Variants in PTPRD observed in about 807,000 individuals in gnomAD.
The protein encoded by PTPRD is protein tyrosine phosphatase receptor type D.
PTPRD carries 34 observed loss-of-function variants against 214.5 expected under a neutral mutation model. The observed-to-expected ratio is 0.16, with a 90% CI of 0.12 to 0.21. The LOEUF (loss-of-function observed/expected upper bound fraction) is 0.21. PTPRD is among the 10% of genes least tolerant of loss of function. The pLI is 1.00. For missense variants in PTPRD, 2,545 were observed against 2,398.7 expected (o/e 1.06, Z -1.27); for synonymous variants, 1,128 against 845.7 (o/e 1.33, Z -5.79).
At chr9:10,603,771 T>A (rs915578134) in intron 2 of PTPRD, among the ~76,000 whole-genome samples, 2 of 151,750 alleles carry the variant, frequency 1.3e-5, no homozygotes, top group African/African-American at 4.8e-5. Context: ...ATATAAGAGA[T>A]AAAATTCAAG....
intron 11 of PTPRD, among the ~76,000 whole-genome samples, chr9:8,804,173 G>C (rs903882214): frequency 1.3e-5 from 2 of 151,958 alleles, no homozygotes; most frequent in African/African-American, 2.4e-5. Context: ...GTCTGGTCTC[G>C]AACTCCTGAC....
chr9:9,433,670 AG>A (rs1401552747), intron 8 of PTPRD, among the ~76,000 whole-genome samples: 1 of 152,198 alleles, frequency 6.6e-6, no homozygotes, highest in African/African-American at 2.4e-5. Flanking sequence ...TTCACAAAAT[AG>A]ATTTTACACA....
chr9:8,782,669 C>T (rs545462076), intron 11 of PTPRD, among the ~76,000 whole-genome samples: 2 of 149,746 alleles, frequency 1.3e-5, no homozygotes, highest in South Asian at 4.2e-4. Flanking sequence ...ACAATCTCGG[C>T]TCACTGCAAC....
At position 9,517,946 on chromosome 9, in the gene PTPRD, T is replaced by A. The variant is rs530555708; in HGVS notation, c.-237+56786A>T. Among the ~76,000 whole-genome samples, 5 of 152,226 alleles carry A rather than the reference T, an allele frequency of 3.3e-5. No homozygotes were observed. In the South Asian group the frequency reaches 1.0e-3, roughly 32 times the overall value. On this transcript the variant is annotated intron_variant, in intron 8 of 45. Transcript: ENST00000381196. Reference sequence around the variant, plus strand: ...GTGTTGTATATGCAGAAATATACTTTAAAAGTTAAAATTATTAATTTTTGG... The same window carrying A: ...GTGTTGTATATGCAGAAATATACTTAAAAAGTTAAAATTATTAATTTTTGG...
rs139869525 is a variant in PTPRD at position 10,285,137 on chromosome 9, A to G, written c.-545+55826T>C. Among the ~76,000 whole-genome samples, 635 of 152,288 alleles carry G rather than the reference A, an allele frequency of 4.2e-3. 8 individuals are homozygous for G. Among genetic ancestry groups the G allele is most frequent in the African/African-American group, 0.014 (588 of 41,566 alleles). ...TTTTTATCAGTTATTAACTCTAAGA[A>G]TCTCTTGAAACTTAGGGTCCTAAGT... On this transcript the variant is annotated intron_variant, in intron 3 of 45. Transcript: ENST00000381196.
intron 11 of PTPRD, among the ~76,000 whole-genome samples, chr9:8,923,333 C>T (rs545304529): frequency 2.6e-5 from 4 of 152,152 alleles, no homozygotes; most frequent in East Asian, 1.9e-4. Context: ...TGAGCCACCG[C>T]GCCTGGCCAG....
chr9:8,596,641 A>G (rs1293477591), intron 14 of PTPRD, among the ~76,000 whole-genome samples: 2 of 152,126 alleles, frequency 1.3e-5, no homozygotes, highest in African/African-American at 2.4e-5. Context: ...TCAATACATT[A>G]TAATTGATTA....
intron 11 of PTPRD, among the ~76,000 whole-genome samples, chr9:8,818,129 T>C (rs921894333): frequency 1.3e-5 from 2 of 152,300 alleles, no homozygotes; most frequent in African/African-American, 2.4e-5. Flanking sequence ...ATCAAGATTA[T>C]CCATTTTAAT....
chr9:8,472,699 T>C (rs1249822479), intron 30 of PTPRD, among the ~76,000 whole-genome samples: 1 of 150,450 alleles, frequency 6.6e-6, no homozygotes, highest in African/African-American at 2.5e-5. Flanking sequence ...TCTGGATGTA[T>C]TAGGTTAAAT....
At chr9:10,231,989 A>AGAGAGAGAGAGAGAGAGT (rs1245284728) in intron 3 of PTPRD, among the ~76,000 whole-genome samples, 2 of 92,434 alleles carry the variant, frequency 2.2e-5, no homozygotes, top group African/African-American at 1.1e-4. Context: ...AGAGAGAGAG[A>AGAGAGAGAGAGAGAGAGT]GTGTGTGTGT....
intron 8 of PTPRD, among the ~76,000 whole-genome samples, chr9:9,513,449 C>T (rs2154247281): frequency 6.6e-6 from 1 of 151,922 alleles, no homozygotes; most frequent in East Asian, 1.9e-4. Context: ...TAGACAATTT[C>T]ATTTTTTAAA....
At chr9:10,609,741 T>G (rs1232407245) in intron 2 of PTPRD, among the ~76,000 whole-genome samples, 1 of 152,108 alleles carries the variant, frequency 6.6e-6, no homozygotes, top group South Asian at 2.1e-4. Flanking sequence ...CACATCTAAT[T>G]AGCATTGTTT....
At chr9:10,454,182 G>T (rs768838388) in intron 2 of PTPRD, among the ~76,000 whole-genome samples, 11 of 151,410 alleles carry the variant, frequency 7.3e-5, no homozygotes, top group Non-Finnish European at 1.0e-4. Flanking sequence ...TGGATACCCA[G>T]ATTTCCATTT....
rs145703989 is a variant in PTPRD, at chr9:9,450,950, T to TACACACACACACAC, written c.-236-53482_-236-53469dup. 6.2e-3 allele frequency among the ~76,000 whole-genome samples: 841 copies of TACACACACACACAC among 136,570 alleles called. 2 individuals carry two copies. The highest frequency in any genetic ancestry group is 9.4e-3 in the African/African-American group (335 of 35,662). The allele number at this position is 136,570 out of a possible 152,430, so 89.6% of individuals were successfully genotyped here. ...ACATCTAAGTAAATACATACATACA[T>TACACACACACACAC]ACACACACACACACACACACACACA... On this transcript the variant is annotated intron_variant, in intron 8 of 45. Transcript: ENST00000381196.
intron 5 of PTPRD, among the ~76,000 whole-genome samples, chr9:9,907,164 G>GGTTTTT (rs56762654): frequency 0.98 from 148,348 of 151,484 alleles, 72,646 homozygotes; most frequent in East Asian, 0.99. Flanking sequence ...CCAAACTCCA[G>GGTTTTT]GTTTTTGTTT....
At chr9:9,165,815 GTA>G (rs1268857867) in intron 10 of PTPRD, among the ~76,000 whole-genome samples, 1 of 152,118 alleles carries the variant, frequency 6.6e-6, no homozygotes, top group Non-Finnish European at 1.5e-5. Flanking sequence ...TGATTTCAAT[GTA>G]TATCAAAAGA....
intron 9 of PTPRD, among the ~76,000 whole-genome samples, chr9:9,210,585 AT>A (rs913788016): frequency 6.6e-6 from 1 of 151,828 alleles, no homozygotes; most frequent in Non-Finnish European, 1.5e-5. Flanking sequence ...ATCTCTTACC[AT>A]TTTTTTGCTT....
Position 9,402,976 on chromosome 9 carries a change from A to AAAC in PTPRD, c.-236-5495_-236-5494insGTT, listed in dbSNP as rs1569568015. Among the ~76,000 whole-genome samples the AAAC allele has an allele frequency of 8.5e-5, 12 of 140,442 alleles. 1 individual carries two copies. The highest frequency in any genetic ancestry group is 3.0e-4 in the African/African-American group (11 of 36,834). The allele number at this position is 140,442 out of a possible 152,430, so 92.1% of individuals were successfully genotyped here. ...TTTGTCTAATAGGGAGAAAAAAAAAAAAAAAAAAAAAAACACCAAAAAAAA... is the reference window on the plus strand; with the variant it reads ...TTTGTCTAATAGGGAGAAAAAAAAAAAACAAAAAAAAAAAAACACCAAAAAAAA... On this transcript the variant is annotated intron_variant, in intron 8 of 45. Coordinates refer to ENST00000381196, the MANE Select transcript of PTPRD (RefSeq NM_002839.4).
chr9:10,309,931 C>T (rs1041107607), intron 3 of PTPRD, among the ~76,000 whole-genome samples: 17 of 151,966 alleles, frequency 1.1e-4, no homozygotes, highest in Non-Finnish European at 2.2e-4. Flanking sequence ...TGTCACTTTT[C>T]TTTTGTTCCA....
Sources: allele counts gnomAD v4.1 joint callset (sites outside exome capture counted in the v4.1 genomes callset), GRCh38; gene constraint gnomAD v4.1.1; transcripts MANE v1.5; gene names NCBI Gene and HGNC (gene_info 2026-07-23, HGNC 2026-07-21).